KCNMA1: variants seen among roughly 807,000 people sequenced by gnomAD.
KCNMA1 encodes Calcium-activated potassium channel subunit alpha-1.
Under a neutral mutation model 140.0 loss-of-function variants are expected in KCNMA1, and 29 were observed. The observed-to-expected ratio is 0.21, with a 90% CI of 0.15 to 0.28. KCNMA1 has a LOEUF of 0.28. KCNMA1 is among the 10% of genes least tolerant of loss of function. The pLI is 1.00. For synonymous variants in KCNMA1, 612 were observed against 611.9 expected, an observed-to-expected ratio of 1.00 and a Z score of 0.00; for missense variants, 880 against 1,602.2, an observed-to-expected ratio of 0.55 and a Z score of 7.70.
chr10:76,960,646 T>C (rs867673653), intron 20 of KCNMA1, among the ~76,000 whole-genome samples: 1 of 139,986 alleles, frequency 7.1e-6, no homozygotes, highest in South Asian at 2.3e-4. Flanking sequence ...TTTTTTTTTT[T>C]ACAAATTGAA....
chr10:77,241,019 G>A (rs186701928), intron 3 of KCNMA1, among the ~76,000 whole-genome samples: 53 of 152,312 alleles, frequency 3.5e-4, no homozygotes, highest in African/African-American at 1.2e-3. Context: ...CCATTGTTTT[G>A]AATGCTGGGT....
rs767923149 is a variant in KCNMA1, at chr10:77,108,640, G to A, written c.1132-68C>T. On this transcript the variant is annotated intron_variant, in intron 8 of 27. Transcript: ENST00000286628. The surrounding 1 kb of genome is among the most constrained non-coding windows in gnomAD (Gnocchi z 4.6). ...AAAGAAAAGGGGGGACCTGTTCAGA[G>A]GGTGGGGGCACTAAGATCTGAAAAC... 9 of 1,133,470 alleles carry A rather than the reference G, an allele frequency of 7.9e-6. No homozygotes were observed. The highest frequency in any genetic ancestry group is 1.1e-5 in the Non-Finnish European group (8 of 749,432). 70.2% of individuals were successfully genotyped at this position (1,133,470 alleles called of 1,614,324 possible). A position where few individuals can be genotyped will look rare whatever the true frequency, so the allele number is the denominator to read the frequency against.
intron 2 of KCNMA1, among the ~76,000 whole-genome samples, chr10:77,331,801 C>G (rs992029259): frequency 6.6e-6 from 1 of 151,986 alleles, no homozygotes; most frequent in African/African-American, 2.4e-5. Flanking sequence ...GGCAACAGAG[C>G]CAGACCTCAT....
At chr10:77,086,658 T>C (rs1024234876) in intron 10 of KCNMA1, 65 bp from the exon 11 acceptor site, 2 of 1,107,252 alleles carry the variant, frequency 1.8e-6, no homozygotes, top group Non-Finnish European at 2.7e-6. Flanking sequence ...CTCCATGGGC[T>C]CCTTCCTCTC....
intron 21 of KCNMA1, chr10:76,952,294 G>A: frequency 1.1e-6 from 1 of 922,850 alleles, no homozygotes; most frequent in Non-Finnish European, 1.6e-6. Context: ...GCCAAGGTTG[G>A]CGGATCATGA....
At chr10:77,580,253 C>T (rs1005727359) in intron 1 of KCNMA1, among the ~76,000 whole-genome samples, 15 of 151,754 alleles carry the variant, frequency 9.9e-5, no homozygotes, top group East Asian at 3.9e-4. Context: ...TGGTGGCGGG[C>T]GCCTGTAGTC....
At chr10:77,008,460 C>A (rs963800774) in intron 18 of KCNMA1, among the ~76,000 whole-genome samples, 1 of 152,184 alleles carries the variant, frequency 6.6e-6, no homozygotes, top group Admixed American at 6.5e-5. Flanking sequence ...CTCGGCCAGA[C>A]AGCTGAATTT....
At position 76,952,509 on chromosome 10, in the gene KCNMA1, CTG is replaced by C. The variant is rs1049218789; in HGVS notation, c.2484+1290_2484+1291del. On this transcript the variant is annotated intron_variant, in intron 21 of 27. Coordinates refer to ENST00000286628, the MANE Select transcript of KCNMA1 (RefSeq NM_001161352.2). ...TCCAGCCTGGCGACAGAGCGAGACT[CTG>C]TCTCAAAAAAACAAAACAAAACAAA... is the stretch of plus-strand genomic sequence containing the variant. Among the ~76,000 whole-genome samples the C allele has an allele frequency of 4.9e-4, 75 of 152,140 alleles. 1 individual carries two copies.
At chr10:77,097,993 G>A (rs1202244453) in intron 9 of KCNMA1, among the ~76,000 whole-genome samples, 1 of 152,190 alleles carries the variant, frequency 6.6e-6, no homozygotes, top group East Asian at 1.9e-4. Flanking sequence ...CCCCAGTGGG[G>A]AATACCGGGA....
At chr10:77,392,853 C>T (rs1488195317) in intron 2 of KCNMA1, among the ~76,000 whole-genome samples, 3 of 152,196 alleles carry the variant, frequency 2.0e-5, no homozygotes, top group African/African-American at 4.8e-5. Flanking sequence ...CTGTCCCTGC[C>T]CTGTCAGCCT....
At chr10:77,268,764 T>C (rs1013808977) in intron 2 of KCNMA1, among the ~76,000 whole-genome samples, 29 of 152,180 alleles carry the variant, frequency 1.9e-4, no homozygotes, top group Admixed American at 1.4e-3. Flanking sequence ...CCATCGCTTA[T>C]GGCTACTTTT....
chr10:77,164,389 A>G (rs1490614022), intron 5 of KCNMA1, among the ~76,000 whole-genome samples: 1 of 152,218 alleles, frequency 6.6e-6, no homozygotes, highest in Non-Finnish European at 1.5e-5. Context: ...ATTAGAGCTA[A>G]GAATCAGGAA....
In KCNMA1 at chr10:77,588,701, T is replaced by C. The variant is rs189907357; in HGVS notation, c.378+48564A>G. Among the ~76,000 whole-genome samples the C allele has an allele frequency of 3.3e-5, 5 of 152,354 alleles. No individual in the cohort carries two copies. In the East Asian group the frequency reaches 9.6e-4, roughly 29 times the overall value. ...GAACTCAGCAAGATAGATAATATTA[T>C]CTTCTTTCTGTAGAGAGAAAACTGG... On this transcript the variant is annotated intron_variant, in intron 1 of 27. Coordinates refer to ENST00000286628, the MANE Select transcript of KCNMA1 (RefSeq NM_001161352.2).
intron 14 of KCNMA1, among the ~76,000 whole-genome samples, chr10:77,055,155 T>C (rs968585305): frequency 6.6e-6 from 1 of 152,204 alleles, no homozygotes; most frequent in African/African-American, 2.4e-5. Context: ...GTTCATCCTG[T>C]CTTTCCCACT....
chr10:77,119,519 C>A (rs1300132570), intron 6 of KCNMA1, among the ~76,000 whole-genome samples: 1 of 152,126 alleles, frequency 6.6e-6, no homozygotes, highest in African/African-American at 2.4e-5. Context: ...AAAACACAGT[C>A]TAGTGGAGTG....
intron 3 of KCNMA1, among the ~76,000 whole-genome samples, chr10:77,247,027 G>C (rs990201619): frequency 6.6e-6 from 1 of 152,194 alleles, no homozygotes; most frequent in African/African-American, 2.4e-5. Context: ...TAACCTTTCA[G>C]CTTTACTCTG....
rs116040700 is a variant in KCNMA1, at chr10:77,362,084, G to A, written c.540+41778C>T. Among the ~76,000 whole-genome samples, 1,069 of 152,208 alleles carry A rather than the reference G, an allele frequency of 7.0e-3. 15 individuals are homozygous for A. Among genetic ancestry groups the A allele is most frequent in the African/African-American group, 0.024 (1,015 of 41,540 alleles). ...TTAGAGCCTCAGCTGCCTCTCCTGC[G>A]CTGTGTCCTCCCTAAGGGGCTTCCA... is the stretch of plus-strand genomic sequence containing the variant. On this transcript the variant is annotated intron_variant, in intron 2 of 27. Coordinates refer to ENST00000286628, the MANE Select transcript of KCNMA1 (RefSeq NM_001161352.2).
chr10:77,354,248 A>C (rs2154393281), intron 2 of KCNMA1, among the ~76,000 whole-genome samples: 1 of 152,298 alleles, frequency 6.6e-6, no homozygotes, highest in East Asian at 1.9e-4. Context: ...CTGCCTCAGC[A>C]TCCCAAAGTG....
At chr10:77,500,141 T>C (rs2043336616) in intron 1 of KCNMA1, among the ~76,000 whole-genome samples, 1 of 151,208 alleles carries the variant, frequency 6.6e-6, no homozygotes. Context: ...CTATTACAGA[T>C]AGACAAAAAA....
Sources: gnomAD v4.1 joint callset for allele counts (sites outside exome capture counted in the v4.1 genomes callset) on GRCh38, gnomAD v4.1.1 for gene constraint, Gnocchi (gnomAD v3.1) non-coding constraint, MANE v1.5 for transcripts, NCBI Gene and HGNC (gene_info 2026-07-23, HGNC 2026-07-21) for gene names.